Variants in CAMK1D observed in about 807,000 individuals in gnomAD.
CAMK1D encodes the protein calcium/calmodulin-dependent protein kinase type 1D.
Under a neutral mutation model 47.7 loss-of-function variants are expected in CAMK1D, and 9 were observed. That is an observed-to-expected ratio of 0.19 (90% confidence interval 0.11 to 0.33). The LOEUF is 0.33. Among genes scored for constraint, CAMK1D ranks in the 10% least tolerant of loss-of-function variants. The probability of loss-of-function intolerance (pLI) is 1.00; values close to 1 mark genes in which losing one functional copy is unlikely to be tolerated. For synonymous variants in CAMK1D, 184 were observed against 184.9 expected (o/e 0.99, Z 0.04); for missense variants, 291 against 488.7 (o/e 0.60, Z 3.81).
chr10:12,475,575 G>A (rs948988373), intron 1 of CAMK1D, among the ~76,000 whole-genome samples: 2 of 152,194 alleles, frequency 1.3e-5, no homozygotes, highest in Non-Finnish European at 2.9e-5. Flanking sequence ...TGTGGGTAAT[G>A]CTGTTGTGAA....
At chr10:12,491,828 C>T (rs1300111681) in intron 1 of CAMK1D, among the ~76,000 whole-genome samples, 1 of 152,192 alleles carries the variant, frequency 6.6e-6, no homozygotes, top group Non-Finnish European at 1.5e-5. Context: ...CACACCATCA[C>T]CCAGGCTGGA....
chr10:12,805,350 A>G (rs1353032103), intron 6 of CAMK1D, among the ~76,000 whole-genome samples: 1 of 149,812 alleles, frequency 6.7e-6, no homozygotes, highest in East Asian at 2.0e-4. Context: ...ATAATAAGCC[A>G]TAATATCTTT....
intron 3 of CAMK1D, among the ~76,000 whole-genome samples, chr10:12,760,379 T>C (rs1394617758): frequency 6.6e-6 from 1 of 152,220 alleles, no homozygotes; most frequent in African/African-American, 2.4e-5. Flanking sequence ...GTTCTGATCA[T>C]TCCGAAGGCA....
At chr10:12,817,627 T>C (rs1832850170) in intron 8 of CAMK1D, among the ~76,000 whole-genome samples, 1 of 152,188 alleles carries the variant, frequency 6.6e-6, no homozygotes, top group Non-Finnish European at 1.5e-5. Flanking sequence ...AGATAATGCA[T>C]GTAGAGGGTT....
At position 12,349,815 on chromosome 10, in the gene CAMK1D, G is replaced by C. The variant is rs756695615; in HGVS notation, c.-4G>C. On this transcript the variant is annotated 5_prime_UTR_variant, in exon 1 of 11. Transcript: ENST00000619168. Reference sequence around the variant, plus strand: ...GCCGCTCCTCCGCGCCGCGCTCGTCGGCCATGGCCCGGGAGAACGGCGAGA... The same window carrying C: ...GCCGCTCCTCCGCGCCGCGCTCGTCCGCCATGGCCCGGGAGAACGGCGAGA... 32 of 1,437,210 alleles carry C rather than the reference G, an allele frequency of 2.2e-5. No individual in the cohort carries two copies. Among genetic ancestry groups the C allele is most frequent in the Non-Finnish European group, 3.0e-5 (32 of 1,078,528 alleles). 89.0% of individuals were successfully genotyped at this position (1,437,210 alleles called of 1,614,324 possible). A position where few individuals can be genotyped will look rare whatever the true frequency, so the allele number is the denominator to read the frequency against.
intron 2 of CAMK1D, among the ~76,000 whole-genome samples, chr10:12,640,919 T>C (rs1839647639): frequency 6.6e-6 from 1 of 152,210 alleles, no homozygotes; most frequent in Non-Finnish European, 1.5e-5. Context: ...AAGAATAATT[T>C]ATCGGTAATT....
At chr10:12,741,496 G>A (rs937523828) in intron 3 of CAMK1D, among the ~76,000 whole-genome samples, 13 of 152,206 alleles carry the variant, frequency 8.5e-5, no homozygotes, top group African/African-American at 2.9e-4. Flanking sequence ...AACAAATTTT[G>A]TATTGGCTAC....
intron 2 of CAMK1D, among the ~76,000 whole-genome samples, chr10:12,646,063 ATTAC>A (rs1034850514): frequency 3.9e-5 from 6 of 152,188 alleles, no homozygotes; most frequent in South Asian, 4.1e-4. Flanking sequence ...TATGGGAAGA[ATTAC>A]TTACTTAAAA....
intron 1 of CAMK1D, among the ~76,000 whole-genome samples, chr10:12,418,624 G>A (rs915805258): frequency 2.6e-5 from 4 of 152,112 alleles, no homozygotes; most frequent in African/African-American, 9.7e-5. Context: ...AAAAAGTTAT[G>A]TATTGCACTC....
At chr10:12,713,526 T>C (rs778630226) in intron 3 of CAMK1D, among the ~76,000 whole-genome samples, 3 of 152,206 alleles carry the variant, frequency 2.0e-5, no homozygotes, top group Non-Finnish European at 4.4e-5. Context: ...CACTGGTGGC[T>C]TATTGGTCAG....
chr10:12,658,260 G>A (rs1397449218), intron 2 of CAMK1D, among the ~76,000 whole-genome samples: 1 of 152,194 alleles, frequency 6.6e-6, no homozygotes, highest in East Asian at 1.9e-4. Context: ...CTTAAAGGAT[G>A]AGTATTTTCG....
At chr10:12,676,610 C>T (rs1176989701) in intron 3 of CAMK1D, among the ~76,000 whole-genome samples, 1 of 152,110 alleles carries the variant, frequency 6.6e-6, no homozygotes. Flanking sequence ...TTACTGTGAT[C>T]CCAGTTTTCA....
intron 2 of CAMK1D, among the ~76,000 whole-genome samples, chr10:12,641,934 A>C (rs918971038): frequency 6.6e-6 from 1 of 151,644 alleles, no homozygotes; most frequent in African/African-American, 2.4e-5. Context: ...AGTCCCAGCT[A>C]CTCTGGAGGC....
chr10:12,422,974 T>C (rs17136827), intron 1 of CAMK1D, among the ~76,000 whole-genome samples: 28,015 of 151,826 alleles, frequency 0.18, 2,622 homozygotes, highest in Middle Eastern at 0.25. Context: ...AGCCCGGCTA[T>C]TGTAATGGGT....
At chr10:12,572,222 C>G (rs1232021945) in intron 2 of CAMK1D, among the ~76,000 whole-genome samples, 2 of 152,060 alleles carry the variant, frequency 1.3e-5, no homozygotes, top group East Asian at 3.9e-4. Context: ...AAGGGAGGGA[C>G]CTGGTGGGAG....
intron 5 of CAMK1D, among the ~76,000 whole-genome samples, chr10:12,779,154 C>T (rs763828121): frequency 2.0e-5 from 3 of 151,872 alleles, no homozygotes; most frequent in Non-Finnish European, 4.4e-5. Flanking sequence ...AGTGGCTCCT[C>T]AGGATACCAT....
intron 1 of CAMK1D, among the ~76,000 whole-genome samples, chr10:12,466,193 G>A (rs1427882154): frequency 6.6e-6 from 1 of 152,024 alleles, no homozygotes; most frequent in Non-Finnish European, 1.5e-5. Context: ...AGATCACGAG[G>A]TCAGGAGATC....
At chr10:12,541,662 C>G (rs1836183156) in intron 1 of CAMK1D, among the ~76,000 whole-genome samples, 1 of 151,596 alleles carries the variant, frequency 6.6e-6, no homozygotes, top group African/African-American at 2.4e-5. Context: ...GCCCAGCTGA[C>G]TTCACTACTG....
rs61097569 is a variant in CAMK1D, at chr10:12,766,361, CTT to C, written c.439-3294_439-3293del. 3.7e-4 allele frequency among the ~76,000 whole-genome samples: 38 copies of C among 103,332 alleles called. 2 individuals are homozygous for C. Among genetic ancestry groups the C allele is most frequent in the East Asian group, 8.2e-4 (3 of 3,670 alleles). 67.8% of individuals were successfully genotyped at this position (103,332 alleles called of 152,430 possible). A position where few individuals can be genotyped will look rare whatever the true frequency, so the allele number is the denominator to read the frequency against. ...CTGGCCAGCCCCACGTTGCCTGTTT[CTT>C]TTTTTTTTTTTTTTTTTGAGACGGA... is the stretch of plus-strand genomic sequence containing the variant. On this transcript the variant is annotated intron_variant, in intron 4 of 10. Transcript: ENST00000619168.
Sources: allele counts gnomAD v4.1 joint callset (sites outside exome capture counted in the v4.1 genomes callset), GRCh38; gene constraint gnomAD v4.1.1; transcripts MANE v1.5; gene names NCBI Gene and HGNC (gene_info 2026-07-23, HGNC 2026-07-21).